Variants in CNTN6 observed in about 807,000 individuals in gnomAD.
The protein encoded by CNTN6 is contactin 6, also known as contactin-6.
Under a neutral mutation model 122.8 loss-of-function variants are expected in CNTN6, and 137 were observed. That is an observed-to-expected ratio of 1.12 (90% CI 0.97 to 1.29). The LOEUF is 1.29. CNTN6 is among the 50% of genes most tolerant of loss of function. The pLI is 0.00. For synonymous variants in CNTN6, 570 were observed against 426.0 expected, an observed-to-expected ratio of 1.34 and a Z score of -4.16; for missense variants, 1,634 against 1,223.4, an observed-to-expected ratio of 1.34 and a Z score of -5.01.
At chr3:1,377,128 G>GA in intron 17 of CNTN6, 53 bp downstream of exon 17, 1 of 1,219,164 alleles carries the variant, frequency 8.2e-7, no homozygotes, top group Non-Finnish European at 1.2e-6. Context: ...TAACTGGCCA[G>GA]AAAGAAACTG....
At chr3:1,311,157 T>C (rs1256124804) in intron 7 of CNTN6, among the ~76,000 whole-genome samples, 1 of 141,380 alleles carries the variant, frequency 7.1e-6, no homozygotes, top group East Asian at 2.0e-4. Context: ...TCTTTATATA[T>C]ACATAGGTGT....
In CNTN6 at chr3:1,268,821, G is replaced by A. The variant is rs555453185; in HGVS notation, c.359-9592G>A. 2.0e-5 allele frequency among the ~76,000 whole-genome samples: 3 copies of A among 151,816 alleles called. No homozygotes were observed. In the East Asian group the frequency reaches 5.9e-4, roughly 30 times the overall value. Reference sequence around the variant, plus strand: ...GAGATGAAAGCTGAAAAAAAAGCCAGTTTAAAAGTTCAAGCTGGGATTGGT... The same window carrying A: ...GAGATGAAAGCTGAAAAAAAAGCCAATTTAAAAGTTCAAGCTGGGATTGGT... On this transcript the variant is annotated intron_variant, in intron 4 of 22. Transcript: ENST00000446702.
In CNTN6 at chr3:1,356,274, T is replaced by C. The variant is rs546020162; in HGVS notation, c.1492+3823T>C. ...TGTTTTTGTTTCCCCACTGGAGAAG[T>C]TTTGGATGTTCAATTATAGGCCTCA... On this transcript the variant is annotated intron_variant, in intron 12 of 22. Coordinates refer to ENST00000446702, the MANE Select transcript of CNTN6 (RefSeq NM_001289080.2). Among the ~76,000 whole-genome samples, 76 of 151,942 alleles carry C rather than the reference T, an allele frequency of 5.0e-4. 2 individuals carry two copies. Among genetic ancestry groups the C allele is most frequent in the African/African-American group, 1.6e-3 (68 of 41,530 alleles).
rs769510282 is a variant in CNTN6, at chr3:1,374,022, G to A, written c.2044G>A (p.Gly682Arg). The A allele has an allele frequency of 5.0e-6, 8 of 1,612,972 alleles. No homozygotes were observed. Among genetic ancestry groups the A allele is most frequent in the Non-Finnish European group, 6.8e-6 (8 of 1,179,318 alleles). ...TCGTGTTGTTGCCGGCAACAGCATTGGGATTGGAGAACCAAGTGAACCATC... is the reference window on the plus strand; with the variant it reads ...TCGTGTTGTTGCCGGCAACAGCATTAGGATTGGAGAACCAAGTGAACCATC... ...EFRVVAGNSIGIGEPSEPSEL... is the reference protein window; with the variant it reads ...EFRVVAGNSIRIGEPSEPSEL... The change falls in exon 16 of 23, where the codon GGG becomes AGG. Residue 682 changes from glycine to arginine, a missense_variant. By Grantham distance (125) the Gly-to-Arg change is moderately radical. Coordinates refer to ENST00000446702, the MANE Select transcript of CNTN6 (RefSeq NM_001289080.2).
chr3:1,228,704 A>G (rs928293525), intron 4 of CNTN6, among the ~76,000 whole-genome samples: 1 of 152,206 alleles, frequency 6.6e-6, no homozygotes, highest in Admixed American at 6.5e-5. Flanking sequence ...TGCACCAACC[A>G]TTATGTCCCA....
chr3:1,119,245 T>G (rs1177738664), intron 1 of CNTN6, among the ~76,000 whole-genome samples: 2 of 151,544 alleles, frequency 1.3e-5, no homozygotes, highest in Non-Finnish European at 2.9e-5. Context: ...ATAATTTTAT[T>G]TATTTATTGA....
intron 16 of CNTN6, among the ~76,000 whole-genome samples, chr3:1,375,902 TAAATA>T (rs1490795621): frequency 3.3e-5 from 5 of 152,186 alleles, no homozygotes; most frequent in Middle Eastern, 3.4e-3. Context: ...GAAATGGAAA[TAAATA>T]AAATAAGCAA....
At chr3:1,388,302 A>G (rs1366200236) in intron 20 of CNTN6, among the ~76,000 whole-genome samples, 4 of 147,350 alleles carry the variant, frequency 2.7e-5, no homozygotes. Flanking sequence ...GCAGGGGCAC[A>G]CTGACACCTC....
rs372006974 is a variant in CNTN6, at chr3:1,099,584, G to C, written c.-83+6464G>C. 2.4e-4 allele frequency among the ~76,000 whole-genome samples: 36 copies of C among 152,176 alleles called. No homozygotes were observed. In the East Asian group the frequency reaches 3.1e-3, roughly 13 times the overall value. On this transcript the variant is annotated intron_variant, in intron 1 of 22. Coordinates refer to ENST00000446702, the MANE Select transcript of CNTN6 (RefSeq NM_001289080.2). Reference sequence around the variant, plus strand: ...TATTGAAAATATTCACTATTGCAGTGTTCTATTATCACATACATTGAAAAC... The same window carrying C: ...TATTGAAAATATTCACTATTGCAGTCTTCTATTATCACATACATTGAAAAC...
chr3:1,096,555 T>C (rs867745481), intron 1 of CNTN6, among the ~76,000 whole-genome samples: 4 of 152,354 alleles, frequency 2.6e-5, no homozygotes, highest in Middle Eastern at 3.4e-3. Context: ...GGTTATCTTC[T>C]TTATTTGAGA....
chr3:1,370,129 C>T (rs775845936), intron 12 of CNTN6, among the ~76,000 whole-genome samples: 21 of 150,336 alleles, frequency 1.4e-4, no homozygotes, highest in Non-Finnish European at 2.7e-4. Context: ...CAATAAGATC[C>T]AAAAAAAAGA....
At chr3:1,260,329 A>G (rs1417093421) in intron 4 of CNTN6, among the ~76,000 whole-genome samples, 3 of 152,116 alleles carry the variant, frequency 2.0e-5, no homozygotes, top group Non-Finnish European at 2.9e-5. Context: ...CAGAGGCTCC[A>G]TCAGTACTTA....
chr3:1,311,448 C>G (rs1699277370), intron 7 of CNTN6, among the ~76,000 whole-genome samples: 1 of 77,034 alleles, frequency 1.3e-5, no homozygotes, highest in South Asian at 5.5e-4. Context: ...TATAAAATGT[C>G]TTTATATGTA....
chr3:1,192,554 A>G (rs553392957), intron 2 of CNTN6, among the ~76,000 whole-genome samples: 3 of 152,274 alleles, frequency 2.0e-5, no homozygotes, highest in East Asian at 3.9e-4. Context: ...CAGTCTACAG[A>G]GTCCAGAACT....
chr3:1,315,412 G>C (rs935459511), intron 7 of CNTN6, among the ~76,000 whole-genome samples: 3 of 151,878 alleles, frequency 2.0e-5, no homozygotes, highest in East Asian at 3.9e-4. Context: ...CAATAAATTA[G>C]CGTGCTCTGG....
intron 5 of CNTN6, among the ~76,000 whole-genome samples, chr3:1,279,093 C>T (rs1692924383): frequency 1.3e-5 from 2 of 152,298 alleles, no homozygotes; most frequent in South Asian, 4.1e-4. Flanking sequence ...GATAGATCAC[C>T]ATTAACTGGA....
chr3:1,253,516 C>T lies in CNTN6; in HGVS notation c.359-24897C>T, dbSNP rs187227274. On this transcript the variant is annotated intron_variant, in intron 4 of 22. Coordinates refer to ENST00000446702, the MANE Select transcript of CNTN6 (RefSeq NM_001289080.2). ...CATATAAATTGGTTAAGCAGTCATGCGTATTGATGACATCGTTTTCAACTG... is the reference window on the plus strand; with the variant it reads ...CATATAAATTGGTTAAGCAGTCATGTGTATTGATGACATCGTTTTCAACTG... Among the ~76,000 whole-genome samples, 7 of 152,202 alleles carry T rather than the reference C, an allele frequency of 4.6e-5. No homozygotes were observed. In the East Asian group the frequency reaches 5.8e-4, roughly 13 times the overall value.
intron 1 of CNTN6, among the ~76,000 whole-genome samples, chr3:1,112,260 A>G (rs930457038): frequency 2.6e-5 from 4 of 152,220 alleles, no homozygotes; most frequent in African/African-American, 9.6e-5. Context: ...AGACAGAATC[A>G]GTTAAGTATG....
intron 20 of CNTN6, among the ~76,000 whole-genome samples, chr3:1,389,347 C>T (rs1693731822): frequency 6.6e-6 from 1 of 151,984 alleles, no homozygotes; most frequent in Non-Finnish European, 1.5e-5. Context: ...AAATACTTTA[C>T]AGACAAGCAA....
Sources: gnomAD v4.1 joint callset for allele counts (sites outside exome capture counted in the v4.1 genomes callset) on GRCh38, gnomAD v4.1.1 for gene constraint, MANE v1.5 for transcripts, NCBI Gene and HGNC (gene_info 2026-07-23, HGNC 2026-07-21) for gene names.